Variants in PRPF8 observed in about 807,000 individuals in gnomAD.
PRPF8 encodes pre-mRNA processing factor 8.
A neutral mutation model predicts 285.9 loss-of-function variants in PRPF8; 64 were observed. That is an observed-to-expected ratio of 0.22 (90% confidence interval 0.18 to 0.28). The LOEUF (loss-of-function observed/expected upper bound fraction) is 0.28, where lower values mean the gene tolerates loss of function less well. Ranked by LOEUF, PRPF8 falls within the 10% of genes least tolerant of loss-of-function variation. The pLI is 1.00. For synonymous variants in PRPF8, 1,325 were observed against 1,118.2 expected, an observed-to-expected ratio of 1.18 and a Z score of -3.69; for missense variants, 1,426 against 3,026.7, an observed-to-expected ratio of 0.47 and a Z score of 12.41.
Position 1,653,235 on chromosome 17 carries a change from C to A in PRPF8, c.6369+307G>T. ...GATTATAGGCATTAGCCACTGTGCC[C>A]AGCCGAGTGTTGGGATTACAGGCAT... is the stretch of plus-strand genomic sequence containing the variant. On this transcript the variant is annotated intron_variant, in intron 39 of 42. Transcript: ENST00000304992. This position sits in a 1 kb window ranked among gnomAD's most constrained non-coding sequence, Gnocchi z 4.9. 2.0e-6 allele frequency: 1 copy of A among 509,090 alleles called. No homozygotes were observed. The highest frequency in any genetic ancestry group is 3.6e-6 in the Non-Finnish European group (1 of 279,540). The allele number at this position is 509,090 out of a possible 1,614,324, so 31.5% of individuals were successfully genotyped here. A position where few individuals can be genotyped will look rare whatever the true frequency, so the allele number is the denominator to read the frequency against.
At chr17:1,654,962 T>A (rs1000436113) in intron 37 of PRPF8, 1 of 179,720 alleles carries the variant, frequency 5.6e-6, no homozygotes, top group Non-Finnish European at 1.2e-5. Context: ...AAACGTCTTT[T>A]TTTTTTTTTT....
At chr17:1,680,610 G>C in intron 8 of PRPF8, 116 bp downstream of exon 8, 2 of 933,078 alleles carry the variant, frequency 2.1e-6, no homozygotes, top group South Asian at 1.4e-5. Context: ...AGCTCAAGGG[G>C]AACACTTAGC....
In PRPF8 at chr17:1,678,855, A is replaced by G; in HGVS notation, c.1626T>C (p.Asn542=). 6.2e-7 allele frequency: 1 copy of G among 1,614,216 alleles called. No individual in the cohort carries two copies. Residue 542 remains asparagine, a synonymous_variant, in exon 12 of 43, where the codon AAT becomes AAC. Coordinates refer to ENST00000304992, the MANE Select transcript of PRPF8 (RefSeq NM_006445.4). ...TKERKKSRFG[N]AFHLCREVLR... ...GAACTTCCCGACACAGGTGGAAAGC[A>G]TTCCCAAAACGAGATTTCTTTCTTT...
intron 3 of PRPF8, among the ~76,000 whole-genome samples, chr17:1,682,794 C>A (rs1369081061): frequency 6.6e-6 from 1 of 152,140 alleles, no homozygotes; most frequent in Non-Finnish European, 1.5e-5. Context: ...ATTTTTGTGT[C>A]CAAATAGAAC....
Position 1,656,759 on chromosome 17 carries a change from C to T in PRPF8, c.5508G>A (p.Leu1836=), listed in dbSNP as rs778782948. 6.2e-6 allele frequency: 10 copies of T among 1,613,712 alleles called. No individual in the cohort carries two copies. Among genetic ancestry groups the T allele is most frequent in the Non-Finnish European group, 8.5e-6 (10 of 1,179,864 alleles). Residue 1836 remains leucine (L), a splice_region_variant and synonymous_variant, in exon 35 of 43, where the codon TTG becomes TTA. Coordinates refer to ENST00000304992, the MANE Select transcript of PRPF8 (RefSeq NM_006445.4). ...CCTCCTCAGCTGTCTTCCACTTAGC[C>T]AACTTAAAAGCAAGAGAGAAGAAAA... is the stretch of plus-strand genomic sequence containing the variant. ...VWAGQKRLGQ[L]AKWKTAEEVA...
Position 1,684,545 on chromosome 17 carries a change from C to G in PRPF8, c.27G>C (p.Gly9=). 1 of 1,612,632 alleles carries G rather than the reference C, an allele frequency of 6.2e-7. No homozygotes were observed. The highest frequency in any genetic ancestry group is 8.5e-7 in the Non-Finnish European group (1 of 1,179,884). ...GAGGGCCAGGCACCGGGTTACCCGGCCCTCGATAAGGAAACACTCCGGCCA... is the reference window on the plus strand; with the variant it reads ...GAGGGCCAGGCACCGGGTTACCCGGGCCTCGATAAGGAAACACTCCGGCCA... MAGVFPYR[G]PGNPVPGPLA... Residue 9 remains glycine (G), a synonymous_variant, in exon 2 of 43, where the codon GGG becomes GGC. Coordinates refer to ENST00000304992, the MANE Select transcript of PRPF8 (RefSeq NM_006445.4).
Position 1,655,390 on chromosome 17 carries a change from G to A in PRPF8, c.5947C>T (p.Leu1983Phe), listed in dbSNP as rs748535265. The change falls in exon 37 of 43, where the codon CTC becomes TTC. Residue 1983 changes from leucine (L) to phenylalanine (F), a missense_variant. Physicochemically the swap from Leu to Phe is conservative, Grantham distance 22 (BLOSUM62 0). Around this residue, in one of 34 missense-constraint regions of PRPF8, gnomAD observed 35 missense variants for 47.7 expected, o/e 0.73. Transcript: ENST00000304992. ...DEEWIKVEVQ[L>F]KDLILADYGK... ...TAGTCAGCCAAGATCAGATCCTTGA[G>A]CTGCACCTCGACCTTGATCCATTCT... is the stretch of plus-strand genomic sequence containing the variant. 6.2e-7 allele frequency: 1 copy of A among 1,613,878 alleles called. No homozygotes were observed. The highest frequency in any genetic ancestry group is 1.1e-5 in the South Asian group (1 of 91,060).
intron 20 of PRPF8, 108 bp from the exon 21 acceptor site, chr17:1,674,788 C>G: frequency 8.3e-7 from 1 of 1,197,610 alleles, no homozygotes; most frequent in Non-Finnish European, 1.2e-6. Context: ...TTTCCACTCC[C>G]GAGGCGGAGT....
At chr17:1,654,914 A>G (rs920587646) in intron 37 of PRPF8, 15 of 206,900 alleles carry the variant, frequency 7.2e-5, no homozygotes, top group Admixed American at 2.7e-4. Context: ...TACTAGCATG[A>G]GCACTCAAGC....
chr17:1,676,935 G>A lies in PRPF8; in HGVS notation c.2181+41C>T. 3 of 1,607,382 alleles carry A rather than the reference G, an allele frequency of 1.9e-6. No individual in the cohort carries two copies. Among genetic ancestry groups the A allele is most frequent in the Non-Finnish European group, 2.5e-6 (3 of 1,176,754 alleles). On this transcript the variant is annotated intron_variant, in intron 15 of 42. Coordinates refer to ENST00000304992, the MANE Select transcript of PRPF8 (RefSeq NM_006445.4). The surrounding 1 kb of genome is among the most constrained non-coding windows in gnomAD (Gnocchi z 6.3). Reference sequence around the variant, plus strand: ...CCCGAAGTGGTAATCCTACCCTAAAGACGGATGTTTACGCCTCCAAGGAAA... The same window carrying A: ...CCCGAAGTGGTAATCCTACCCTAAAAACGGATGTTTACGCCTCCAAGGAAA...
At chr17:1,684,635 G>A in intron 1 of PRPF8, 53 bp from the exon 2 acceptor site, 4 of 1,560,982 alleles carry the variant, frequency 2.6e-6, no homozygotes, top group Non-Finnish European at 2.6e-6. Flanking sequence ...GGGCCCACAA[G>A]AAGCGCAGCA....
intron 34 of PRPF8, among the ~76,000 whole-genome samples, chr17:1,657,025 G>A (rs1911423534): frequency 1.3e-5 from 2 of 152,230 alleles, no homozygotes; most frequent in Admixed American, 1.3e-4. Flanking sequence ...AGGAACAAAA[G>A]AAATTAAGGC....
At chr17:1,682,608 G>C (rs1912993438) in intron 3 of PRPF8, among the ~76,000 whole-genome samples, 1 of 151,524 alleles carries the variant, frequency 6.6e-6, no homozygotes, top group Admixed American at 6.6e-5. Flanking sequence ...TCATAATAAA[G>C]TATTCACCAT....
At chr17:1,678,493 A>G (rs1176178221) in intron 13 of PRPF8, 25 bp downstream of exon 13, 9 of 1,613,980 alleles carry the variant, frequency 5.6e-6, no homozygotes, top group Admixed American at 5.0e-5. Context: ...CAAAAAAAAG[A>G]AAGTCAGTAA....
intron 7 of PRPF8, 49 bp from the exon 8 acceptor site, chr17:1,680,880 C>A (rs1209036091): frequency 9.9e-6 from 16 of 1,614,142 alleles, no homozygotes; most frequent in Non-Finnish European, 1.4e-5. Flanking sequence ...CTGGCCCAAC[C>A]TAAACAGCAG....
Position 1,677,060 on chromosome 17 carries a change from C to T in PRPF8, c.2097G>A (p.Glu699=), listed in dbSNP as rs2151128446. ...TCCGGGCCTTGTTCTGCTTGATCCC[C>T]TCAGGCATCATGTCCAGAATATCAT... ...VMHDILDMMP[E]GIKQNKARTI... The change falls in exon 15 of 43, where the codon GAG becomes GAA. Residue 699 remains glutamate (E), a synonymous_variant. Transcript: ENST00000304992. 1 of 1,614,032 alleles carries T rather than the reference C, an allele frequency of 6.2e-7. No homozygotes were observed. The highest frequency in any genetic ancestry group is 8.5e-7 in the Non-Finnish European group (1 of 1,180,010).
Position 1,674,389 on chromosome 17 carries a change from C to T in PRPF8, c.3299+53G>A. 4 of 1,568,286 alleles carry T rather than the reference C, an allele frequency of 2.6e-6. No homozygotes were observed. In the South Asian group the frequency reaches 4.4e-5, roughly 17 times the overall value. On this transcript the variant is annotated intron_variant, in intron 21 of 42. Transcript: ENST00000304992. ...CAGGTACAATAGCTGATTTCAGAGG[C>T]AAAGCACATGCCTCAGTACCCTGCA... is the stretch of plus-strand genomic sequence containing the variant.
At position 1,683,647 on chromosome 17, in the gene PRPF8, C is replaced by G; in HGVS notation, c.155G>C (p.Gly52Ala). ...GTCTTCCTTCTGGGCATCCACAAAC[C>G]CAAACTTCCGCTTTTCTGCATAGCG... ...AKRYAEKRKFGFVDAQKEDMP... is the reference protein window; with the variant it reads ...AKRYAEKRKFAFVDAQKEDMP... Residue 52 changes from glycine (G) to alanine (A), a missense_variant, in exon 3 of 43, where the codon GGG (glycine) becomes GCG (alanine). Physicochemically the swap from Gly to Ala is moderately conservative, Grantham distance 60. Coordinates refer to ENST00000304992, the MANE Select transcript of PRPF8 (RefSeq NM_006445.4). 1 of 1,614,120 alleles carries G rather than the reference C, an allele frequency of 6.2e-7. No individual in the cohort carries two copies. Among genetic ancestry groups the G allele is most frequent in the Non-Finnish European group, 8.5e-7 (1 of 1,180,026 alleles).
rs747003852 is a variant in PRPF8, at chr17:1,651,329, C to G, written c.6651-19G>C. ...CGTGAAGCTGGGGGAGGAACGAGGA[C>G]AGAGTAACAGCTCAGGCCACTGTTC... On this transcript the variant is annotated intron_variant, in intron 41 of 42. Coordinates refer to ENST00000304992, the MANE Select transcript of PRPF8 (RefSeq NM_006445.4). This position sits in a 1 kb window ranked among gnomAD's most constrained non-coding sequence, Gnocchi z 5.1. 1.9e-6 allele frequency: 3 copies of G among 1,614,066 alleles called. No homozygotes were observed. In the Admixed American group the frequency reaches 5.0e-5, roughly 27 times the overall value.
Sources: gnomAD v4.1 joint callset for allele counts (sites outside exome capture counted in the v4.1 genomes callset) on GRCh38, gnomAD v4.1.1 for gene constraint, gnomAD v4.1.1 regional missense constraint, Gnocchi (gnomAD v3.1) non-coding constraint, MANE v1.5 for transcripts, NCBI Gene and HGNC (gene_info 2026-07-23, HGNC 2026-07-21) for gene names.